The following OSBPL6 variants were observed in gnomAD, a reference collection of about 807,000 sequenced individuals.
OSBPL6 encodes oxysterol binding protein like 6.
Under a neutral mutation model 125.8 loss-of-function variants are expected in OSBPL6, and 49 were observed. That is an observed-to-expected ratio of 0.39 (90% CI 0.31 to 0.49). The LOEUF is 0.49. OSBPL6 is among the 20% of genes least tolerant of loss of function. The pLI is 0.88. For missense variants in OSBPL6, 986 were observed against 1,135.4 expected (o/e 0.87, Z 1.89); for synonymous variants, 394 against 391.8 (o/e 1.01, Z -0.07).
At chr2:178,378,118 T>TG (rs1694058689) in intron 15 of OSBPL6, among the ~76,000 whole-genome samples, 3 of 152,150 alleles carry the variant, frequency 2.0e-5, no homozygotes. Context: ...CATGAGCCAC[T>TG]GCGCCTGGCC....
chr2:178,338,490 T>G (rs1689903108), intron 9 of OSBPL6, among the ~76,000 whole-genome samples: 1 of 152,204 alleles, frequency 6.6e-6, no homozygotes, highest in East Asian at 1.9e-4. Flanking sequence ...TCTAAGAAAT[T>G]TTAAAGTCAT....
In OSBPL6 at chr2:178,364,903, C is replaced by T. The variant is rs865777440; in HGVS notation, c.1287+3088C>T. Among the ~76,000 whole-genome samples the T allele has an allele frequency of 1.8e-4, 27 of 152,204 alleles. No individual in the cohort carries two copies. The South Asian group carries it at 2.9e-3, about 16-fold the overall frequency. On this transcript the variant is annotated intron_variant, in intron 13 of 24. Transcript: ENST00000190611. Reference sequence around the variant, plus strand: ...ATTAACATTTAAACGACAGGCTGGCCGGGCGCGGTGGCTCAAAATAATCCC... The same window carrying T: ...ATTAACATTTAAACGACAGGCTGGCTGGGCGCGGTGGCTCAAAATAATCCC...
chr2:178,243,819 A>G (rs973255289), intron 1 of OSBPL6, among the ~76,000 whole-genome samples: 1 of 151,970 alleles, frequency 6.6e-6, no homozygotes, highest in Non-Finnish European at 1.5e-5. Context: ...CACCCAGCTG[A>G]TTTTTGTATT....
At chr2:178,379,033 T>C (rs1694155602) in intron 15 of OSBPL6, among the ~76,000 whole-genome samples, 1 of 151,868 alleles carries the variant, frequency 6.6e-6, no homozygotes, top group Non-Finnish European at 1.5e-5. Flanking sequence ...TAGCTGGGCA[T>C]GGTGGTGCAT....
intron 1 of OSBPL6, among the ~76,000 whole-genome samples, chr2:178,225,414 T>C (rs1245727367): frequency 6.6e-6 from 1 of 152,166 alleles, no homozygotes; most frequent in Non-Finnish European, 1.5e-5. Flanking sequence ...TTGTAAAGTA[T>C]GCTATCCAAG....
At chr2:178,304,593 T>A (rs573419015) in intron 2 of OSBPL6, among the ~76,000 whole-genome samples, 27 of 152,304 alleles carry the variant, frequency 1.8e-4, no homozygotes, top group African/African-American at 6.5e-4. Context: ...ACAAGCTGTT[T>A]ATATAGTGGC....
intron 3 of OSBPL6, among the ~76,000 whole-genome samples, chr2:178,307,817 G>A (rs1313997669): frequency 6.6e-6 from 1 of 152,102 alleles, no homozygotes; most frequent in African/African-American, 2.4e-5. Flanking sequence ...CTGGAGAATT[G>A]TGGCAAATGG....
At chr2:178,360,562 A>T (rs1408229865) in intron 12 of OSBPL6, among the ~76,000 whole-genome samples, 1 of 152,216 alleles carries the variant, frequency 6.6e-6, no homozygotes, top group African/African-American at 2.4e-5. Flanking sequence ...CCTTAAATAC[A>T]TACACAATAA....
At chr2:178,218,222 G>A (rs999586373) in intron 1 of OSBPL6, among the ~76,000 whole-genome samples, 1 of 152,108 alleles carries the variant, frequency 6.6e-6, no homozygotes, top group African/African-American at 2.4e-5. Flanking sequence ...AGGTTGGAAG[G>A]TGTTAAAGAT....
intron 2 of OSBPL6, among the ~76,000 whole-genome samples, chr2:178,285,440 A>G (rs1347069688): frequency 6.6e-6 from 1 of 152,186 alleles, no homozygotes; most frequent in Non-Finnish European, 1.5e-5. Context: ...AAACCTTAAA[A>G]TAGCCAAAAT....
At chr2:178,317,744 T>G (rs1687886722) in intron 3 of OSBPL6, among the ~76,000 whole-genome samples, 2 of 151,720 alleles carry the variant, frequency 1.3e-5, no homozygotes, top group African/African-American at 2.4e-5. Context: ...TTTTTTTTTT[T>G]GCTTGTATTG....
At chr2:178,219,861 T>C (rs1037720528) in intron 1 of OSBPL6, among the ~76,000 whole-genome samples, 5 of 152,204 alleles carry the variant, frequency 3.3e-5, no homozygotes, top group Admixed American at 3.3e-4. Flanking sequence ...TAGGTTAAAA[T>C]AACCACATTC....
chr2:178,252,465 G>A (rs2091731023), intron 1 of OSBPL6, among the ~76,000 whole-genome samples: 2 of 151,548 alleles, frequency 1.3e-5, no homozygotes, highest in Non-Finnish European at 2.9e-5. Flanking sequence ...ACCATATTTT[G>A]TGGCCATAAT....
intron 12 of OSBPL6, among the ~76,000 whole-genome samples, chr2:178,356,627 T>C (rs1004298071): frequency 5.3e-5 from 8 of 152,124 alleles, no homozygotes; most frequent in Non-Finnish European, 1.2e-4. Flanking sequence ...TGCTCATAGA[T>C]AGGAAGAATC....
chr2:178,379,284 A>G (rs888436327), intron 15 of OSBPL6, among the ~76,000 whole-genome samples: 8 of 118,020 alleles, frequency 6.8e-5, no homozygotes, highest in Non-Finnish European at 9.7e-5. Flanking sequence ...AGAAAGAAAG[A>G]AAAGAAAGAA....
chr2:178,228,524 G>A (rs944772775), intron 1 of OSBPL6, among the ~76,000 whole-genome samples: 1 of 152,146 alleles, frequency 6.6e-6, no homozygotes, highest in Admixed American at 6.5e-5. Flanking sequence ...GACAGAGCGA[G>A]ACTCCATCTC....
At chr2:178,279,129 T>G (rs974030764) in intron 1 of OSBPL6, among the ~76,000 whole-genome samples, 1 of 152,238 alleles carries the variant, frequency 6.6e-6, no homozygotes, top group Non-Finnish European at 1.5e-5. Context: ...TTCTTTATTA[T>G]TGTACAGAGT....
chr2:178,366,570 C>T (rs1256103488), intron 13 of OSBPL6, among the ~76,000 whole-genome samples: 3 of 152,050 alleles, frequency 2.0e-5, no homozygotes, highest in Non-Finnish European at 2.9e-5. Flanking sequence ...GCTTCAGAGG[C>T]GGTGAATGTG....
In OSBPL6 at chr2:178,357,291, A is replaced by G. The variant is rs535311070; in HGVS notation, c.1154-4391A>G. Among the ~76,000 whole-genome samples the G allele has an allele frequency of 1.6e-4, 24 of 152,308 alleles. No individual in the cohort carries two copies. The South Asian group carries it at 4.8e-3, about 30-fold the overall frequency. On this transcript the variant is annotated intron_variant, in intron 12 of 24. Coordinates refer to ENST00000190611, the MANE Select transcript of OSBPL6 (RefSeq NM_032523.4). Reference sequence around the variant, plus strand: ...CACAGCGAAAGAAACTACCATCAGAATGAACAGGCAACCTACAGAATGGGA... The same window carrying G: ...CACAGCGAAAGAAACTACCATCAGAGTGAACAGGCAACCTACAGAATGGGA...
Sources: allele counts gnomAD v4.1 joint callset (sites outside exome capture counted in the v4.1 genomes callset), GRCh38; gene constraint gnomAD v4.1.1; transcripts MANE v1.5; gene names NCBI Gene and HGNC (gene_info 2026-07-23, HGNC 2026-07-21).